Variants in WARS2 observed in about 807,000 individuals in gnomAD.
WARS2 encodes the protein tryptophanyl tRNA synthetase 2, mitochondrial, also known as tryptophan--tRNA ligase, mitochondrial.
A neutral mutation model predicts 36.5 loss-of-function variants in WARS2; 28 were observed. The observed-to-expected ratio is 0.77, with a 90% CI of 0.57 to 1.05. The LOEUF is 1.05. Ranked by LOEUF, WARS2 falls within the 50% of genes least tolerant of loss-of-function variation. The probability of loss-of-function intolerance (pLI) is 0.00; values close to 1 mark genes in which losing one functional copy is unlikely to be tolerated. For missense variants in WARS2, 435 were observed against 456.8 expected (o/e 0.95, Z 0.44); for synonymous variants, 174 against 178.4 (o/e 0.98, Z 0.20).
At chr1:119,130,029 G>A (rs1231972766) in intron 1 of WARS2, among the ~76,000 whole-genome samples, 3 of 152,106 alleles carry the variant, frequency 2.0e-5, no homozygotes, top group Non-Finnish European at 2.9e-5. Context: ...TAACGGTGCA[G>A]TGAGACCTAG....
intron 2 of WARS2, among the ~76,000 whole-genome samples, chr1:119,048,397 T>C (rs549705047): frequency 6.6e-6 from 1 of 152,350 alleles, no homozygotes; most frequent in South Asian, 2.1e-4. Flanking sequence ...TAGTAACTAC[T>C]CAATAAATGG....
At chr1:119,138,926 T>C (rs1557766403) in intron 1 of WARS2, among the ~76,000 whole-genome samples, 1 of 152,208 alleles carries the variant, frequency 6.6e-6, no homozygotes, top group African/African-American at 2.4e-5. Context: ...AATTTTTTCT[T>C]TAGCATTTAT....
At chr1:119,117,127 G>C (rs1655023499) in intron 1 of WARS2, among the ~76,000 whole-genome samples, 1 of 152,138 alleles carries the variant, frequency 6.6e-6, no homozygotes, top group South Asian at 2.1e-4. Context: ...TGGCTGCATG[G>C]GAGTGGAGTG....
chr1:119,110,193 T>G (rs988011808), intron 1 of WARS2, among the ~76,000 whole-genome samples: 2 of 152,034 alleles, frequency 1.3e-5, no homozygotes, highest in Non-Finnish European at 2.9e-5. Context: ...GATTAAAGTT[T>G]CCATTTTACT....
intron 1 of WARS2, among the ~76,000 whole-genome samples, chr1:119,103,587 C>T (rs1442199267): frequency 6.6e-6 from 1 of 151,870 alleles, no homozygotes; most frequent in Non-Finnish European, 1.5e-5. Context: ...ACTGAAACTT[C>T]AGGCCATAAT....
rs143584002 is a variant in WARS2 at position 119,079,080 on chromosome 1, TTTC to T, written c.91-2476_91-2474del. 2.1e-4 allele frequency among the ~76,000 whole-genome samples: 32 copies of T among 152,238 alleles called. 1 individual carries two copies. In the East Asian group the frequency reaches 5.6e-3, roughly 27 times the overall value. ...CATATGGTGTGAGGTAAGCATCTAA[TTTC>T]TTCTTTTTTTCCTATATGAATATCT... On this transcript the variant is annotated intron_variant, in intron 1 of 5. Transcript: ENST00000235521.
chr1:119,114,785 T>C (rs895681175), intron 1 of WARS2, among the ~76,000 whole-genome samples: 1 of 152,196 alleles, frequency 6.6e-6, no homozygotes, highest in Non-Finnish European at 1.5e-5. Flanking sequence ...TATAAATGAA[T>C]TCCTAAGTAC....
intron 1 of WARS2, among the ~76,000 whole-genome samples, chr1:119,115,624 T>G (rs1442028326): frequency 6.6e-6 from 1 of 152,170 alleles, no homozygotes; most frequent in Admixed American, 6.6e-5. Flanking sequence ...CCTATGAGCT[T>G]TTCAGGGATA....
Position 119,034,178 on chromosome 1 carries a change from T to G in WARS2, c.551A>C (p.Gln184Pro), listed in dbSNP as rs1447004855. 6.2e-7 allele frequency: 1 copy of G among 1,613,976 alleles called. No individual in the cohort carries two copies. The highest frequency in any genetic ancestry group is 1.3e-5 in the African/African-American group (1 of 74,944). ...THVPVGEDQV[Q>P]HMELVQDLAQ... ...TAGATCCTGAACTAGTTCCATGTGC[T>G]GGACTTGATCCTCCCCAACAGGAAC... The change falls in exon 5 of 6, where the codon CAG (glutamine) becomes CCG (proline). Residue 184 changes from glutamine (Q) to proline (P), a missense_variant. Gln to Pro is a moderately conservative substitution (Grantham distance 76). Coordinates refer to ENST00000235521, the MANE Select transcript of WARS2 (RefSeq NM_015836.4).
intron 4 of WARS2, among the ~76,000 whole-genome samples, chr1:119,036,446 G>C (rs1162732499): frequency 6.6e-6 from 1 of 152,074 alleles, no homozygotes; most frequent in Non-Finnish European, 1.5e-5. Context: ...TCTCTTCTTT[G>C]AGTGGACTTC....
rs587776295 is a variant in WARS2, at chr1:119,100,041, A to G, written c.91-23434T>C. Among the ~76,000 whole-genome samples the G allele has an allele frequency of 3.9e-5, 6 of 152,362 alleles. No homozygotes were observed. The East Asian group carries it at 7.7e-4, about 20-fold the overall frequency. On this transcript the variant is annotated intron_variant, in intron 1 of 5. Coordinates refer to ENST00000235521, the MANE Select transcript of WARS2 (RefSeq NM_015836.4). ...TGTTGAATGGGAGAAGATAGTTGCA[A>G]ACTACTCATCTGACAGGGGACTAAT...
intron 2 of WARS2, among the ~76,000 whole-genome samples, chr1:119,050,593 CAT>C (rs1436952953): frequency 1.3e-5 from 2 of 151,778 alleles, no homozygotes; most frequent in Non-Finnish European, 2.9e-5. Context: ...AATGTCTAAA[CAT>C]GTGGCATATG....
At position 119,140,576 on chromosome 1, in the gene WARS2, G is replaced by C; in HGVS notation, c.69C>G (p.Ser23=). 6.2e-7 allele frequency: 1 copy of C among 1,613,554 alleles called. No homozygotes were observed. The highest frequency in any genetic ancestry group is 8.5e-7 in the Non-Finnish European group (1 of 1,179,604). Residue 23 remains serine, a synonymous_variant, in exon 1 of 6, where the codon TCC becomes TCG. Coordinates refer to ENST00000235521, the MANE Select transcript of WARS2 (RefSeq NM_015836.4). The part of the protein sequence containing the change: ...WSFIRALHKG[S]AAAPALQKDS... Reference sequence around the variant, plus strand: ...TTACCTGGAGAGCGGGAGCAGCTGCGGATCCCTTATGAAGTGCCCGGATGA... The same window carrying C: ...TTACCTGGAGAGCGGGAGCAGCTGCCGATCCCTTATGAAGTGCCCGGATGA...
rs587698042 is a variant in WARS2, at chr1:119,111,967, G to T, written c.90+28588C>A. Among the ~76,000 whole-genome samples, 5 of 151,930 alleles carry T rather than the reference G, an allele frequency of 3.3e-5. No individual in the cohort carries two copies. The East Asian group carries it at 9.7e-4, about 29-fold the overall frequency. On this transcript the variant is annotated intron_variant, in intron 1 of 5. Coordinates refer to ENST00000235521, the MANE Select transcript of WARS2 (RefSeq NM_015836.4). Reference sequence around the variant, plus strand: ...GACGGAGTTTTGATCTTGTTGCCCAGGCTGGAGTGCAGTGGTGCGATCTTG... The same window carrying T: ...GACGGAGTTTTGATCTTGTTGCCCATGCTGGAGTGCAGTGGTGCGATCTTG...
At chr1:119,136,284 A>G (rs1401174853) in intron 1 of WARS2, among the ~76,000 whole-genome samples, 1 of 152,184 alleles carries the variant, frequency 6.6e-6, no homozygotes, top group Non-Finnish European at 1.5e-5. Flanking sequence ...ACTATCTGCT[A>G]GCATAAATCC....
At chr1:119,099,318 G>C (rs753420259) in intron 1 of WARS2, among the ~76,000 whole-genome samples, 1 of 152,160 alleles carries the variant, frequency 6.6e-6, no homozygotes, top group Non-Finnish European at 1.5e-5. Flanking sequence ...TGGGAAAACT[G>C]CATGGAAATG....
chr1:119,056,471 A>G (rs1649820548), intron 2 of WARS2, among the ~76,000 whole-genome samples: 1 of 148,758 alleles, frequency 6.7e-6, no homozygotes, highest in South Asian at 2.1e-4. Flanking sequence ...ATATATTTTT[A>G]TAGTATATAT....
rs187900845 is a variant in WARS2, at chr1:119,031,340, C to G, written c.*1571G>C. On this transcript the variant is annotated 3_prime_UTR_variant, in exon 6 of 6. Coordinates refer to ENST00000235521, the MANE Select transcript of WARS2 (RefSeq NM_015836.4). Reference sequence around the variant, plus strand: ...ATGCTCAAAGAGGTTCTAGGACTTACAGACATCCCATTCCAGTATAAGATA... The same window carrying G: ...ATGCTCAAAGAGGTTCTAGGACTTAGAGACATCCCATTCCAGTATAAGATA... 20 of 152,310 alleles carry G rather than the reference C, an allele frequency of 1.3e-4. No individual in the cohort carries two copies. The highest frequency in any genetic ancestry group is 4.8e-4 in the African/African-American group (20 of 41,568). The allele number at this position is 152,310 out of a possible 1,614,324, so 9.4% of individuals were successfully genotyped here.
chr1:119,106,399 C>A (rs976278430), intron 1 of WARS2, among the ~76,000 whole-genome samples: 1 of 152,128 alleles, frequency 6.6e-6, no homozygotes, highest in African/African-American at 2.4e-5. Flanking sequence ...TATAATAACA[C>A]GTATCCCCCA....
Sources: gnomAD v4.1 joint callset for allele counts (sites outside exome capture counted in the v4.1 genomes callset) on GRCh38, gnomAD v4.1.1 for gene constraint, MANE v1.5 for transcripts, NCBI Gene and HGNC (gene_info 2026-07-23, HGNC 2026-07-21) for gene names.